Variants in NDST4 observed in about 807,000 individuals in gnomAD.
The protein encoded by NDST4 is N-deacetylase and N-sulfotransferase 4.
Under a neutral mutation model 100.8 loss-of-function variants are expected in NDST4, and 63 were observed. That is an observed-to-expected ratio of 0.62 (90% CI 0.51 to 0.77). NDST4 has a LOEUF of 0.77. Ranked by LOEUF, NDST4 falls within the 30% of genes least tolerant of loss-of-function variation. The pLI is 0.00. For missense variants in NDST4, 943 were observed against 1,018.4 expected, an observed-to-expected ratio of 0.93 and a Z score of 1.01; for synonymous variants, 377 against 361.8, an observed-to-expected ratio of 1.04 and a Z score of -0.48.
At chr4:114,986,830 A>ATATTTATTTATT (rs1553959397) in intron 2 of NDST4, among the ~76,000 whole-genome samples, 36 of 91,948 alleles carry the variant, frequency 3.9e-4, no homozygotes, top group African/African-American at 1.3e-3. Context: ...ATATATATAT[A>ATATTTATTTATT]TATTTTAATA....
At chr4:114,995,788 A>G (rs1045666258) in intron 2 of NDST4, among the ~76,000 whole-genome samples, 3 of 152,036 alleles carry the variant, frequency 2.0e-5, no homozygotes, top group African/African-American at 7.2e-5. Flanking sequence ...TTTTTGATGT[A>G]TTAAATGACA....
intron 13 of NDST4, 44 bp from the exon 14 acceptor site, chr4:114,827,979 A>C: frequency 1.3e-6 from 2 of 1,552,470 alleles, no homozygotes; most frequent in Non-Finnish European, 1.7e-6. Flanking sequence ...TCTTTGTTTC[A>C]TCAAACAGGA....
chr4:114,909,683 A>G (rs1321882709), intron 6 of NDST4, among the ~76,000 whole-genome samples: 1 of 150,958 alleles, frequency 6.6e-6, no homozygotes, highest in Non-Finnish European at 1.5e-5. Flanking sequence ...AAAAAAAAAA[A>G]AAAAAAGAAA....
intron 2 of NDST4, among the ~76,000 whole-genome samples, chr4:115,025,629 C>T (rs139584126): frequency 1.4e-4 from 21 of 152,192 alleles, no homozygotes; most frequent in African/African-American, 5.1e-4. Flanking sequence ...ATTCCATCAG[C>T]ATGCTACAAT....
intron 1 of NDST4, among the ~76,000 whole-genome samples, chr4:115,082,196 C>T (rs887892701): frequency 6.6e-6 from 1 of 152,138 alleles, no homozygotes; most frequent in Admixed American, 6.5e-5. Flanking sequence ...GAATAAATAT[C>T]TCCTAGAATC....
At position 115,023,193 on chromosome 4, in the gene NDST4, G is replaced by A. The variant is rs550862819; in HGVS notation, c.979-45919C>T. ...ATCTCACAAATCTCCACTGAAGAAC[G>A]TATTCCTGTTGGCCGAGCGCAGTTG... On this transcript the variant is annotated intron_variant, in intron 2 of 13. Coordinates refer to ENST00000264363, the MANE Select transcript of NDST4 (RefSeq NM_022569.3). Among the ~76,000 whole-genome samples, 7 of 152,104 alleles carry A rather than the reference G, an allele frequency of 4.6e-5. No individual in the cohort carries two copies. The East Asian group carries it at 1.4e-3, about 30-fold the overall frequency.
chr4:115,012,923 A>T (rs1185325545), intron 2 of NDST4, among the ~76,000 whole-genome samples: 1 of 151,968 alleles, frequency 6.6e-6, no homozygotes, highest in African/African-American at 2.4e-5. Context: ...AAACTGAAGG[A>T]CATTGTGATA....
intron 6 of NDST4, among the ~76,000 whole-genome samples, chr4:114,934,509 G>A (rs1469367710): frequency 2.0e-5 from 3 of 150,642 alleles, no homozygotes; most frequent in African/African-American, 7.3e-5. Context: ...AGCGGAGATC[G>A]CGCCACTGCA....
chr4:114,921,252 ATGACTCCATTCGTTTCAC>A (rs1725280428), intron 6 of NDST4, among the ~76,000 whole-genome samples: 1 of 152,198 alleles, frequency 6.6e-6, no homozygotes, highest in Non-Finnish European at 1.5e-5. Flanking sequence ...ATTGCGTTCG[ATGACTCCATTCGTTTCAC>A]TGGAATAAAA....
intron 6 of NDST4, among the ~76,000 whole-genome samples, chr4:114,929,158 A>ATCTG: frequency 6.7e-6 from 1 of 150,174 alleles, no homozygotes; most frequent in East Asian, 2.0e-4. Flanking sequence ...CTATCTATCT[A>ATCTG]TCTATGTATC....
chr4:114,829,950 C>T lies in NDST4; in HGVS notation c.2397-58G>A, dbSNP rs1047735004. On this transcript the variant is annotated intron_variant, in intron 12 of 13. Coordinates refer to ENST00000264363, the MANE Select transcript of NDST4 (RefSeq NM_022569.3). ...GTATGCAGAATTTTCAGTGAGACAG[C>T]CTCACCAATTGAATAAAGGAAATGT... The T allele has an allele frequency of 3.4e-6, 4 of 1,172,850 alleles. No individual in the cohort carries two copies. In the African/African-American group the frequency reaches 4.6e-5, roughly 14 times the overall value. The allele number at this position is 1,172,850 out of a possible 1,614,324, so 72.7% of individuals were successfully genotyped here.
chr4:115,082,414 A>T (rs1038998681), intron 1 of NDST4, among the ~76,000 whole-genome samples: 7 of 152,136 alleles, frequency 4.6e-5, no homozygotes, highest in African/African-American at 1.4e-4. Context: ...TAAACAAAGC[A>T]ATTACAGGTA....
intron 6 of NDST4, among the ~76,000 whole-genome samples, chr4:114,929,047 T>TCCGC (rs1387845561): frequency 1.2e-5 from 1 of 84,098 alleles, no homozygotes; most frequent in Non-Finnish European, 3.1e-5. Context: ...TGTCTGTCCG[T>TCCGC]CCGTCCGTCC....
intron 7 of NDST4, among the ~76,000 whole-genome samples, chr4:114,858,218 A>G (rs978083372): frequency 2.0e-5 from 3 of 152,162 alleles, no homozygotes; most frequent in Admixed American, 1.3e-4. Flanking sequence ...TGAAACATTG[A>G]TTATATTGGA....
At chr4:115,107,025 G>A (rs1354127282) in intron 1 of NDST4, among the ~76,000 whole-genome samples, 1 of 151,974 alleles carries the variant, frequency 6.6e-6, no homozygotes, top group Non-Finnish European at 1.5e-5. Flanking sequence ...GGGTGAGGTG[G>A]TGTGCACCTA....
intron 12 of NDST4, 110 bp from the exon 13 acceptor site, chr4:114,830,002 TAATTC>T (rs1386033098): frequency 2.7e-6 from 2 of 736,140 alleles, no homozygotes; most frequent in Admixed American, 3.1e-5. Context: ...TGATTTAATT[TAATTC>T]ATTTTTACAG....
At chr4:114,901,753 A>G (rs1724844404) in intron 6 of NDST4, among the ~76,000 whole-genome samples, 1 of 151,208 alleles carries the variant, frequency 6.6e-6, no homozygotes, top group African/African-American at 2.4e-5. Context: ...TTAGTTAAGC[A>G]TTGCATATCA....
At chr4:115,005,720 C>T (rs758165197) in intron 2 of NDST4, among the ~76,000 whole-genome samples, 19 of 152,024 alleles carry the variant, frequency 1.2e-4, no homozygotes, top group Non-Finnish European at 2.2e-4. Flanking sequence ...TAAGTGAGAT[C>T]TGAAGGTTGA....
At chr4:115,053,546 C>T (rs2126279953) in intron 2 of NDST4, among the ~76,000 whole-genome samples, 1 of 152,144 alleles carries the variant, frequency 6.6e-6, no homozygotes, top group East Asian at 1.9e-4. Context: ...ACTCTGGGGA[C>T]ATTTTACTAT....
Sources: gnomAD v4.1 joint callset for allele counts (sites outside exome capture counted in the v4.1 genomes callset) on GRCh38, gnomAD v4.1.1 for gene constraint, MANE v1.5 for transcripts, NCBI Gene and HGNC (gene_info 2026-07-23, HGNC 2026-07-21) for gene names.